The following COX10 variants were observed in gnomAD, a reference collection of about 807,000 sequenced individuals.
The protein encoded by COX10 is protoheme IX farnesyltransferase, mitochondrial.
A neutral mutation model predicts 37.3 loss-of-function variants in COX10; 27 were observed. That is an observed-to-expected ratio of 0.72 (90% CI 0.53 to 1.00). COX10 has a LOEUF of 1.00. Ranked by LOEUF, COX10 falls within the 50% of genes least tolerant of loss-of-function variation. The probability of loss-of-function intolerance (pLI) is 0.00; values close to 1 mark genes in which losing one functional copy is unlikely to be tolerated. For missense variants in COX10, 475 were observed against 563.2 expected (o/e 0.84, Z 1.59); for synonymous variants, 222 against 229.1 (o/e 0.97, Z 0.28).
intron 4 of COX10, among the ~76,000 whole-genome samples, chr17:14,149,312 C>T (rs1904822764): frequency 6.6e-6 from 1 of 151,974 alleles, no homozygotes; most frequent in Non-Finnish European, 1.5e-5. Context: ...CTACTCTAGG[C>T]AAGTAATTTT....
intron 5 of COX10, among the ~76,000 whole-genome samples, chr17:14,174,636 A>G (rs1288647360): frequency 4.6e-5 from 7 of 152,310 alleles, no homozygotes; most frequent in South Asian, 2.1e-4. Context: ...ATTAAAAACA[A>G]CAATACAGTG....
At chr17:14,147,033 A>G (rs1453964078) in intron 4 of COX10, among the ~76,000 whole-genome samples, 1 of 152,178 alleles carries the variant, frequency 6.6e-6, no homozygotes, top group East Asian at 1.9e-4. Context: ...GAATCCTCGT[A>G]CACTGTTAGT....
At chr17:14,156,710 C>A (rs2323096) in intron 4 of COX10, among the ~76,000 whole-genome samples, 1 of 152,020 alleles carries the variant, frequency 6.6e-6, no homozygotes, top group Non-Finnish European at 1.5e-5. Context: ...AACCATCTAG[C>A]CCTGCTCAGC....
intron 4 of COX10, among the ~76,000 whole-genome samples, chr17:14,158,377 G>C (rs1334276645): frequency 6.6e-6 from 1 of 151,272 alleles, no homozygotes; most frequent in Non-Finnish European, 1.5e-5. Context: ...TTCTCAAATA[G>C]TTCAGAATAA....
intron 4 of COX10, among the ~76,000 whole-genome samples, chr17:14,118,368 C>G (rs1426488911): frequency 2.0e-5 from 3 of 152,074 alleles, no homozygotes; most frequent in Admixed American, 6.6e-5. Flanking sequence ...CCACAGTGCA[C>G]TCCTTTTCCA....
chr17:14,169,874 G>A (rs1475555314), intron 5 of COX10, among the ~76,000 whole-genome samples: 1 of 152,132 alleles, frequency 6.6e-6, no homozygotes. Flanking sequence ...AGGTGTTCGG[G>A]TTATGGGATC....
chr17:14,081,237 T>G (rs1474432106), intron 3 of COX10, among the ~76,000 whole-genome samples: 2 of 152,162 alleles, frequency 1.3e-5, no homozygotes, highest in African/African-American at 4.8e-5. Flanking sequence ...GAGCACAGAC[T>G]AGTGAGAGCC....
chr17:14,176,722 T>C (rs1238912575), intron 5 of COX10, among the ~76,000 whole-genome samples: 1 of 151,916 alleles, frequency 6.6e-6, no homozygotes, highest in Non-Finnish European at 1.5e-5. Flanking sequence ...CTGAATAAAC[T>C]GCAGCTCCAC....
At chr17:14,130,331 G>C (rs1916436226) in intron 4 of COX10, among the ~76,000 whole-genome samples, 1 of 152,100 alleles carries the variant, frequency 6.6e-6, no homozygotes. Flanking sequence ...ATGATTACAA[G>C]ATTTGAAGCC....
At chr17:14,102,728 A>C (rs1036767354) in intron 4 of COX10, among the ~76,000 whole-genome samples, 4 of 152,178 alleles carry the variant, frequency 2.6e-5, no homozygotes, top group African/African-American at 9.6e-5. Flanking sequence ...GTTATACCCC[A>C]AAATTAGCAT....
chr17:14,098,693 A>G (rs114493769), intron 3 of COX10, among the ~76,000 whole-genome samples: 3,699 of 152,276 alleles, frequency 0.024, 131 homozygotes, highest in African/African-American at 0.085. Context: ...CCCCATTGGC[A>G]CAAGGGTAAA....
chr17:14,135,376 A>G (rs1904332651), intron 4 of COX10, among the ~76,000 whole-genome samples: 1 of 151,906 alleles, frequency 6.6e-6, no homozygotes, highest in African/African-American at 2.4e-5. Context: ...TTTAGCAAGC[A>G]TATTACTGAT....
intron 4 of COX10, among the ~76,000 whole-genome samples, chr17:14,115,654 A>G (rs751978564): frequency 6.6e-6 from 1 of 152,190 alleles, no homozygotes; most frequent in Non-Finnish European, 1.5e-5. Flanking sequence ...GGATGATTAC[A>G]TAAGGAAAAT....
Position 14,207,207 on chromosome 17 carries a change from C to A in COX10, c.1326C>A (p.Pro442=). ...GAGGCGGGGACGCAGGGCCCCCTCC[C>A]AGCTGAGAGCACTGGGACGCCCACC... The part of the protein sequence containing the change: ...PSGGGDAGPP[P]S The change falls in exon 7 of 7, where the codon CCC becomes CCA. Residue 442 remains proline, a synonymous_variant. Transcript: ENST00000261643. 1 of 1,590,428 alleles carries A rather than the reference C, an allele frequency of 6.3e-7. No individual in the cohort carries two copies. The highest frequency in any genetic ancestry group is 8.5e-7 in the Non-Finnish European group (1 of 1,171,152).
chr17:14,105,935 A>G (rs1332287958), intron 4 of COX10, among the ~76,000 whole-genome samples: 8 of 152,138 alleles, frequency 5.3e-5, no homozygotes, highest in African/African-American at 1.9e-4. Flanking sequence ...ATACATATAT[A>G]TAGTTTGGGT....
At chr17:14,096,361 T>C (rs192627173) in intron 3 of COX10, among the ~76,000 whole-genome samples, 1 of 139,932 alleles carries the variant, frequency 7.1e-6, no homozygotes, top group South Asian at 2.2e-4. Context: ...TAAATGTAGG[T>C]GTGTTTTTTT....
Position 14,076,748 on chromosome 17 carries a change from T to C in COX10, c.191T>C (p.Leu64Pro), listed in dbSNP as rs1474243674. The change falls in exon 3 of 7, where the codon CTG (leucine) becomes CCG (proline). Residue 64 changes from leucine (L) to proline (P), a missense_variant. Physicochemically the swap from Leu to Pro is moderately conservative, Grantham distance 98 (BLOSUM62 -3). Coordinates refer to ENST00000261643, the MANE Select transcript of COX10 (RefSeq NM_001303.4). ...TTTTTTGTTTAGTATGTCACACAGC[T>C]GAACAGAAGCCACAACCAGCAAGTA... is the stretch of plus-strand genomic sequence containing the variant. ...SFLKRMYVTQ[L>P]NRSHNQQVRP... 1 of 1,614,050 alleles carries C rather than the reference T, an allele frequency of 6.2e-7. No individual in the cohort carries two copies. Among genetic ancestry groups the C allele is most frequent in the Non-Finnish European group, 8.5e-7 (1 of 1,180,032 alleles).
intron 5 of COX10, among the ~76,000 whole-genome samples, chr17:14,166,055 G>A (rs1185989815): frequency 6.6e-6 from 1 of 152,230 alleles, no homozygotes; most frequent in African/African-American, 2.4e-5. Flanking sequence ...AACAAAAAGT[G>A]CAAGGTGAAG....
In COX10 at chr17:14,159,772, G is replaced by A. The variant is rs145631244; in HGVS notation, c.625-105G>A. The A allele has an allele frequency of 5.5e-4, 471 of 849,418 alleles. 3 individuals carry two copies. In the East Asian group the frequency reaches 0.01, roughly 18 times the overall value. 52.6% of individuals were successfully genotyped at this position (849,418 alleles called of 1,614,324 possible). A position where few individuals can be genotyped will look rare whatever the true frequency, so the allele number is the denominator to read the frequency against. ...TGCCAGGGTATTGATTTATGCTATC[G>A]AAATTAAAATGAAGTTTACTACAGA... On this transcript the variant is annotated intron_variant, in intron 4 of 6. Coordinates refer to ENST00000261643, the MANE Select transcript of COX10 (RefSeq NM_001303.4).
Sources: allele counts gnomAD v4.1 joint callset (sites outside exome capture counted in the v4.1 genomes callset), GRCh38; gene constraint gnomAD v4.1.1; transcripts MANE v1.5; gene names NCBI Gene and HGNC (gene_info 2026-07-23, HGNC 2026-07-21).